The following FSTL5 variants were observed in gnomAD, a reference collection of about 807,000 sequenced individuals.
FSTL5 encodes follistatin-related protein 5.
In FSTL5, 62 loss-of-function variants were observed where a neutral mutation model predicts 89.1. The observed-to-expected ratio is 0.70, with a 90% CI of 0.57 to 0.86. The LOEUF (loss-of-function observed/expected upper bound fraction) is 0.86, where lower values mean the gene tolerates loss of function less well. Among genes scored for constraint, FSTL5 ranks in the 40% least tolerant of loss-of-function variants. The pLI is 0.00. For synonymous variants in FSTL5, 383 were observed against 346.2 expected, an observed-to-expected ratio of 1.11 and a Z score of -1.18; for missense variants, 1,057 against 1,001.6, an observed-to-expected ratio of 1.06 and a Z score of -0.75.
At chr4:161,770,636 T>C (rs186897053) in intron 5 of FSTL5, among the ~76,000 whole-genome samples, 158 of 152,134 alleles carry the variant, frequency 1.0e-3, no homozygotes, top group Middle Eastern at 3.4e-3. Context: ...GTATGTCCTC[T>C]TGTTCAAGAC....
At chr4:161,512,255 G>A (rs1730676296) in intron 10 of FSTL5, among the ~76,000 whole-genome samples, 1 of 152,014 alleles carries the variant, frequency 6.6e-6, no homozygotes, top group Non-Finnish European at 1.5e-5. Flanking sequence ...TACTTGGTGA[G>A]TACCAATTGA....
intron 3 of FSTL5, among the ~76,000 whole-genome samples, chr4:161,956,054 G>A (rs1387542484): frequency 6.6e-6 from 1 of 151,796 alleles, no homozygotes; most frequent in African/African-American, 2.4e-5. Context: ...GATATTGATT[G>A]TCATAGTGAA....
At chr4:161,469,131 T>C (rs1358848450) in intron 13 of FSTL5, among the ~76,000 whole-genome samples, 1 of 152,148 alleles carries the variant, frequency 6.6e-6, no homozygotes, top group Non-Finnish European at 1.5e-5. Context: ...GTCTCTATTA[T>C]TTTCACTACT....
chr4:162,056,838 T>G (rs763962297), intron 2 of FSTL5, among the ~76,000 whole-genome samples: 1 of 152,200 alleles, frequency 6.6e-6, no homozygotes, highest in Non-Finnish European at 1.5e-5. Context: ...TATTTATACA[T>G]ATTATTGCAT....
At chr4:161,983,543 C>T (rs1038386068) in intron 3 of FSTL5, among the ~76,000 whole-genome samples, 3 of 152,044 alleles carry the variant, frequency 2.0e-5, no homozygotes, top group Admixed American at 6.6e-5. Context: ...TTTTTTAAAG[C>T]TTATGTCTGT....
intron 4 of FSTL5, among the ~76,000 whole-genome samples, chr4:161,792,896 C>A (rs1208573690): frequency 6.6e-6 from 1 of 152,212 alleles, no homozygotes; most frequent in African/African-American, 2.4e-5. Context: ...CTGAAACATC[C>A]CCTCCCCCAC....
intron 6 of FSTL5, among the ~76,000 whole-genome samples, chr4:161,677,388 A>G (rs931830264): frequency 6.6e-6 from 1 of 152,048 alleles, no homozygotes; most frequent in African/African-American, 2.4e-5. Flanking sequence ...GGAAAAATGC[A>G]TAATCTAAGA....
chr4:162,120,161 T>G (rs1731795949), intron 1 of FSTL5, among the ~76,000 whole-genome samples: 1 of 152,124 alleles, frequency 6.6e-6, no homozygotes, highest in Admixed American at 6.5e-5. Context: ...AGGCTAAATG[T>G]AGATAAAATA....
chr4:161,674,734 T>C (rs1473863130), intron 6 of FSTL5, among the ~76,000 whole-genome samples: 2 of 152,138 alleles, frequency 1.3e-5, no homozygotes, highest in Non-Finnish European at 1.5e-5. Context: ...TAACTTAACA[T>C]TTTATCAGGA....
chr4:161,864,216 A>G (rs569752362), intron 4 of FSTL5, among the ~76,000 whole-genome samples: 1 of 152,308 alleles, frequency 6.6e-6, no homozygotes, highest in African/African-American at 2.4e-5. Context: ...GAAGTAACGT[A>G]ACACATTTCA....
intron 8 of FSTL5, among the ~76,000 whole-genome samples, chr4:161,583,867 C>G (rs965034740): frequency 6.6e-6 from 1 of 152,102 alleles, no homozygotes; most frequent in Non-Finnish European, 1.5e-5. Flanking sequence ...CTTGGGAACA[C>G]CAGTCCATTT....
chr4:161,478,083 C>T (rs1039557557), intron 13 of FSTL5, among the ~76,000 whole-genome samples: 1 of 151,982 alleles, frequency 6.6e-6, no homozygotes, highest in African/African-American at 2.4e-5. Context: ...CTTTTCAACT[C>T]ATATATGTAT....
intron 4 of FSTL5, among the ~76,000 whole-genome samples, chr4:161,818,031 A>G (rs1730380835): frequency 6.6e-6 from 1 of 152,198 alleles, no homozygotes; most frequent in African/African-American, 2.4e-5. Context: ...CTGGCCTGCC[A>G]TGCCCCCATC....
At chr4:161,599,038 C>A (rs981585136) in intron 7 of FSTL5, among the ~76,000 whole-genome samples, 3 of 151,760 alleles carry the variant, frequency 2.0e-5, no homozygotes, top group Non-Finnish European at 4.4e-5. Flanking sequence ...AATACATTAT[C>A]AAAACAGTGA....
At chr4:161,567,445 C>CT (rs909987592) in intron 8 of FSTL5, among the ~76,000 whole-genome samples, 9 of 152,076 alleles carry the variant, frequency 5.9e-5, no homozygotes, top group African/African-American at 2.2e-4. Context: ...TCTTGTTATA[C>CT]AAGTGTCATT....
chr4:162,145,448 C>T (rs1732935472), intron 1 of FSTL5, among the ~76,000 whole-genome samples: 1 of 152,020 alleles, frequency 6.6e-6, no homozygotes, highest in Non-Finnish European at 1.5e-5. Flanking sequence ...ATTCCCAAAT[C>T]TCAGGGACCT....
chr4:161,481,439 G>C (rs1345523460), intron 12 of FSTL5, among the ~76,000 whole-genome samples: 1 of 151,086 alleles, frequency 6.6e-6, no homozygotes, highest in African/African-American at 2.4e-5. Context: ...TTTCCTACTT[G>C]GTTATAACTC....
intron 4 of FSTL5, among the ~76,000 whole-genome samples, chr4:161,896,563 AT>A: frequency 6.6e-6 from 1 of 152,306 alleles, no homozygotes; most frequent in Non-Finnish European, 1.5e-5. Flanking sequence ...CTATTCCTCC[AT>A]AAATAACAAT....
At chr4:161,618,885 A>C (rs1348106859) in intron 7 of FSTL5, among the ~76,000 whole-genome samples, 1 of 152,216 alleles carries the variant, frequency 6.6e-6, no homozygotes, top group Non-Finnish European at 1.5e-5. Flanking sequence ...TCGCCAAGTC[A>C]ATCCTAAGCC....
Sources: gnomAD v4.1 joint callset for allele counts (sites outside exome capture counted in the v4.1 genomes callset) on GRCh38, gnomAD v4.1.1 for gene constraint, MANE v1.5 for transcripts, NCBI Gene and HGNC (gene_info 2026-07-23, HGNC 2026-07-21) for gene names.